The following MYBPC3 variants were observed in gnomAD, a reference collection of about 807,000 sequenced individuals.
The protein encoded by MYBPC3 is myosin binding protein C3, also known as myosin-binding protein C, cardiac-type.
MYBPC3 carries 108 observed loss-of-function variants against 159.3 expected under a neutral mutation model. That is an observed-to-expected ratio of 0.68 (90% CI 0.58 to 0.80). MYBPC3 has a LOEUF of 0.80. MYBPC3 is among the 30% of genes least tolerant of loss of function. The pLI is 0.00. For missense variants in MYBPC3, 1,631 were observed against 1,762.1 expected (o/e 0.93, Z 1.33); for synonymous variants, 730 against 702.0 (o/e 1.04, Z -0.63).
chr11:47,334,114 A>T (rs1477522299), intron 27 of MYBPC3, 104 bp from the exon 28 acceptor site: 2 of 1,152,434 alleles, frequency 1.7e-6, no homozygotes, highest in African/African-American at 1.5e-5. Context: ...TGCAGCTAAG[A>T]AAAAAGCTGC....
rs369614379 is a variant in MYBPC3, at chr11:47,347,793, G to A, written c.821+64C>T. 425 of 1,547,558 alleles carry A rather than the reference G, an allele frequency of 2.7e-4. 1 individual carries two copies. The highest frequency in any genetic ancestry group is 3.4e-4 in the Non-Finnish European group (391 of 1,144,158). ...TCATCCCCAGCCCTGACCCCCAGTC[G>A]AGACCCTGAAGGGCCTCAGACTCCA... On this transcript the variant is annotated intron_variant, in intron 7 of 34. Transcript: ENST00000545968.
chr11:47,333,703 G>T lies in MYBPC3; in HGVS notation c.3044C>A (p.Ala1015Glu). 1 of 1,609,772 alleles carries T rather than the reference G, an allele frequency of 6.2e-7. No individual in the cohort carries two copies. The stretch of plus-strand genomic sequence containing the variant: ...GTTGCGGATGCTCACCTCCTCGCCT[G>T]CCAGGGGCTGCCCCTCTTTGGTCCA... Reference protein sequence around the residue: ...VTWTKEGQPLAGEEVSIRNSP... With the variant: ...VTWTKEGQPLEGEEVSIRNSP... The change falls in exon 29 of 35, where the codon GCA (alanine) becomes GAA (glutamate). Residue 1015 changes from alanine to glutamate, a missense_variant. Ala to Glu is a moderately radical substitution (Grantham distance 107, BLOSUM62 -1). Coordinates refer to ENST00000545968, the MANE Select transcript of MYBPC3 (RefSeq NM_000256.3).
In MYBPC3 at chr11:47,342,060, C is replaced by G. The variant is rs397515922; in HGVS notation, c.1721G>C (p.Arg574Pro). 6.2e-7 allele frequency: 1 copy of G among 1,612,658 alleles called. No individual in the cohort carries two copies. Among genetic ancestry groups the G allele is most frequent in the Non-Finnish European group, 8.5e-7 (1 of 1,179,334 alleles). Reference sequence around the variant, plus strand: ...CTTCCCATTCTTCAGCCACACACCCCGAACATTCTCATCTGAGACCTCACA... The same window carrying G: ...CTTCCCATTCTTCAGCCACACACCCGGAACATTCTCATCTGAGACCTCACA... Reference protein sequence around the residue: ...FKCEVSDENVRGVWLKNGKEL... With the variant: ...FKCEVSDENVPGVWLKNGKEL... Residue 574 changes from arginine to proline, a missense_variant, in exon 18 of 35, where the codon CGG becomes CCG. Transcript: ENST00000545968.
intron 25 of MYBPC3, among the ~76,000 whole-genome samples, chr11:47,337,080 GCTCT>G (rs2095883004): frequency 6.6e-6 from 1 of 152,226 alleles, no homozygotes; most frequent in Admixed American, 6.5e-5. Flanking sequence ...CATCCTAACA[GCTCT>G]CTGAGATAGG....
rs368887584 is a variant in MYBPC3, at chr11:47,339,321, C to T, written c.2148+3G>A. 3.7e-6 allele frequency: 6 copies of T among 1,613,904 alleles called. No homozygotes were observed. The African/African-American group carries it at 5.3e-5, about 14-fold the overall frequency. On this transcript the variant is annotated splice_donor_region_variant and intron_variant, in intron 22 of 34. Transcript: ENST00000545968. ...GCCTCCTCCTGACCTCAGTCTCACT[C>T]ACCTTCTTGTCAAACACCCACTCAT...
intron 20 of MYBPC3, among the ~76,000 whole-genome samples, chr11:47,340,691 GGAA>G (rs1014387769): frequency 1.4e-4 from 22 of 151,916 alleles, no homozygotes; most frequent in African/African-American, 3.9e-4. Flanking sequence ...TAAAAAAAAA[GGAA>G]GAAGAAGAAA....
In MYBPC3 at chr11:47,346,361, C is replaced by T. The variant is rs1202597355; in HGVS notation, c.936G>A (p.Lys312=). 2 of 1,587,904 alleles carry T rather than the reference C, an allele frequency of 1.3e-6. No individual in the cohort carries two copies. Residue 312 remains lysine (K), a synonymous_variant, in exon 12 of 35, where the codon AAG becomes AAA. Coordinates refer to ENST00000545968, the MANE Select transcript of MYBPC3 (RefSeq NM_000256.3). This position sits in a 1 kb window ranked among gnomAD's most constrained non-coding sequence, Gnocchi z 5.3. ...RDSFRTPRDS[K]LEAPAEEDVW... ...CGTCCTCCTCTGCTGGTGCCTCCAG[C>T]TTCGAGTCCCTGTGTCCCGCAGTCT... is the stretch of plus-strand genomic sequence containing the variant.
chr11:47,337,490 G>T lies in MYBPC3; in HGVS notation c.2503C>A (p.Arg835Ser), dbSNP rs765356720. The change falls in exon 25 of 35, where the codon CGC (arginine) becomes AGC (serine). Residue 835 changes from arginine to serine, a missense_variant. Arg to Ser is a moderately radical substitution (Grantham distance 110). Transcript: ENST00000545968. Reference sequence around the variant, plus strand: ...TCGTACACCACGCCCTCGATCATGCGCCGCGCTTCATGACTCAGCTCCTGA... The same window carrying T: ...TCGTACACCACGCCCTCGATCATGCTCCGCGCTTCATGACTCAGCTCCTGA... The part of the protein sequence containing the change: ...LIQELSHEAR[R>S]MIEGVVYEMR... 2.5e-6 allele frequency: 4 copies of T among 1,613,970 alleles called. No individual in the cohort carries two copies. Among genetic ancestry groups the T allele is most frequent in the South Asian group, 2.2e-5 (2 of 91,086 alleles).
intron 6 of MYBPC3, 72 bp from the exon 7 acceptor site, chr11:47,347,977 G>A: frequency 7.0e-7 from 1 of 1,431,074 alleles, no homozygotes; most frequent in Non-Finnish European, 9.6e-7. Context: ...TGCCCTGGGG[G>A]CGGCCTCTGA....
chr11:47,332,815 TG>T lies in MYBPC3; in HGVS notation c.3488del (p.Pro1163GlnfsTer26). ...GTTGGAAGAATGAGGGTACAGCACC[TG>T]GTCTGGGGATAAAGACGGGCTCCTT... Reference protein sequence around the residue: ...TTKEPVFIPRPGITYEPPNYK... With the variant: ...TTKEPVFIPRXGITYEPPNYK... On this transcript the variant is annotated frameshift_variant and splice_region_variant, in exon 31 of 35. Transcript: ENST00000545968. LOFTEE classifies it high-confidence loss of function. The surrounding 1 kb of genome is among the most constrained non-coding windows in gnomAD (Gnocchi z 4.2). 1 of 1,605,076 alleles carries T rather than the reference TG, an allele frequency of 6.2e-7. No homozygotes were observed. Among genetic ancestry groups the T allele is most frequent in the Non-Finnish European group, 8.5e-7 (1 of 1,175,800 alleles).
chr11:47,334,007 C>T lies in MYBPC3; in HGVS notation c.2909G>A (p.Arg970Gln), dbSNP rs727504346. The change falls in exon 28 of 35, where the codon CGG becomes CAG. Residue 970 changes from arginine to glutamine, a missense_variant. Physicochemically the swap from Arg to Gln is conservative, Grantham distance 43. Coordinates refer to ENST00000545968, the MANE Select transcript of MYBPC3 (RefSeq NM_000256.3). Reference sequence around the variant, plus strand: ...GTGCCTGGGCAGCTGAAGCCGTGGCCGTTCTGTGGGTATAGAGTGGGTAGC... The same window carrying T: ...GTGCCTGGGCAGCTGAAGCCGTGGCTGTTCTGTGGGTATAGAGTGGGTAGC... ...EPVTVQEILQ[R>Q]PRLQLPRHLR... is the part of the protein sequence containing the mutation. The T allele has an allele frequency of 8.6e-5, 135 of 1,575,132 alleles. No individual in the cohort carries two copies. Among genetic ancestry groups the T allele is most frequent in the Middle Eastern group, 5.0e-4 (3 of 6,030 alleles).
chr11:47,332,417 C>T lies in MYBPC3; in HGVS notation c.3627+149G>A. On this transcript the variant is annotated intron_variant, in intron 32 of 34. Coordinates refer to ENST00000545968, the MANE Select transcript of MYBPC3 (RefSeq NM_000256.3). This position sits in a 1 kb window ranked among gnomAD's most constrained non-coding sequence, Gnocchi z 4.2. The stretch of plus-strand genomic sequence containing the variant: ...CAAACATGGAACCAAGAGTGAGTAC[C>T]ATGGCCCTGCCCAGGGGGAGGAACC... The T allele has an allele frequency of 2.1e-6, 3 of 1,409,556 alleles. No homozygotes were observed. The highest frequency in any genetic ancestry group is 2.9e-6 in the Non-Finnish European group (3 of 1,033,074). The allele number at this position is 1,409,556 out of a possible 1,614,324, so 87.3% of individuals were successfully genotyped here.
In MYBPC3 at chr11:47,347,962, A is replaced by C. The variant is rs1595848658; in HGVS notation, c.773-57T>G. On this transcript the variant is annotated intron_variant, in intron 6 of 34. Transcript: ENST00000545968. The stretch of plus-strand genomic sequence containing the variant: ...GGGCTTCAGAGGGGGCCGTTTGAGA[A>C]GCCCTGCCCTGGGGGCGGCCTCTGA... The C allele has an allele frequency of 8.6e-6, 13 of 1,504,830 alleles. No individual in the cohort carries two copies. The South Asian group carries it at 1.4e-4, about 17-fold the overall frequency. The allele number at this position is 1,504,830 out of a possible 1,614,324, so 93.2% of individuals were successfully genotyped here. A position where few individuals can be genotyped will look rare whatever the true frequency, so the allele number is the denominator to read the frequency against.
rs397515991 is a variant in MYBPC3, at chr11:47,335,041, C to T, written c.2905+1G>A. ...TTGTGACTGCACAAAGGGGCACTCA[C>T]GCAGGATCTCCTGCACTGTCACCGG... On this transcript the variant is annotated splice_donor_variant, in intron 27 of 34. Transcript: ENST00000545968. LOFTEE classifies it high-confidence loss of function. 7 of 1,532,586 alleles carry T rather than the reference C, an allele frequency of 4.6e-6. No homozygotes were observed. Among genetic ancestry groups the T allele is most frequent in the South Asian group, 1.3e-5 (1 of 78,350 alleles). The allele number at this position is 1,532,586 out of a possible 1,614,324, so 94.9% of individuals were successfully genotyped here.
Position 47,338,664 on chromosome 11 carries a change from C to T in MYBPC3, c.2164G>A (p.Glu722Lys), listed in dbSNP as rs730880696. 1.4e-5 allele frequency: 22 copies of T among 1,612,292 alleles called. No homozygotes were observed. The highest frequency in any genetic ancestry group is 8.8e-5 in the South Asian group (8 of 90,838). ...VFDKKLLCETEGRVRVETTKD... is the reference protein window; with the variant it reads ...VFDKKLLCETKGRVRVETTKD... ...GTGGTCTCCACGCGGACCCGGCCCTCGGTCTCACACAGCAGCTGGGGGGGT... is the reference window on the plus strand; with the variant it reads ...GTGGTCTCCACGCGGACCCGGCCCTTGGTCTCACACAGCAGCTGGGGGGGT... The change falls in exon 23 of 35, where the codon GAG becomes AAG. Residue 722 changes from glutamate (E) to lysine (K), a missense_variant. Coordinates refer to ENST00000545968, the MANE Select transcript of MYBPC3 (RefSeq NM_000256.3). The surrounding 1 kb of genome is among the most constrained non-coding windows in gnomAD (Gnocchi z 4.7).
chr11:47,351,622 C>T lies in MYBPC3; in HGVS notation c.26-117G>A. On this transcript the variant is annotated intron_variant, in intron 1 of 34. Transcript: ENST00000545968. The surrounding 1 kb of genome is among the most constrained non-coding windows in gnomAD (Gnocchi z 4.2). ...TCTATGCATCCCCTCACGTAATACTCTACCAGTTCTCTGAGGTAGTTGCAG... is the reference window on the plus strand; with the variant it reads ...TCTATGCATCCCCTCACGTAATACTTTACCAGTTCTCTGAGGTAGTTGCAG... 1 of 1,175,680 alleles carries T rather than the reference C, an allele frequency of 8.5e-7. No individual in the cohort carries two copies. Among genetic ancestry groups the T allele is most frequent in the South Asian group, 1.8e-5 (1 of 55,426 alleles). The allele number at this position is 1,175,680 out of a possible 1,614,324, so 72.8% of individuals were successfully genotyped here. A position where few individuals can be genotyped will look rare whatever the true frequency, so the allele number is the denominator to read the frequency against.
At chr11:47,340,959 C>T (rs761956248) in intron 20 of MYBPC3, 44 bp downstream of exon 20, 53 of 1,500,818 alleles carry the variant, frequency 3.5e-5, no homozygotes, top group African/African-American at 7.0e-5. Flanking sequence ...GGGTGGGTTG[C>T]GGGAAAGTGA....
At position 47,332,425 on chromosome 11, in the gene MYBPC3, T is replaced by C; in HGVS notation, c.3627+141A>G. ...GAACCAAGAGTGAGTACCATGGCCC[T>C]GCCCAGGGGGAGGAACCCGGTCCAT... On this transcript the variant is annotated intron_variant, in intron 32 of 34. Coordinates refer to ENST00000545968, the MANE Select transcript of MYBPC3 (RefSeq NM_000256.3). This position sits in a 1 kb window ranked among gnomAD's most constrained non-coding sequence, Gnocchi z 4.2. 7.0e-7 allele frequency: 1 copy of C among 1,433,408 alleles called. No individual in the cohort carries two copies. Among genetic ancestry groups the C allele is most frequent in the Non-Finnish European group, 9.5e-7 (1 of 1,055,882 alleles). The allele number at this position is 1,433,408 out of a possible 1,614,324, so 88.8% of individuals were successfully genotyped here.
chr11:47,349,697 G>C, intron 5 of MYBPC3, 77 bp downstream of exon 5: 1 of 1,517,676 alleles, frequency 6.6e-7, no homozygotes, highest in Non-Finnish European at 8.8e-7. Context: ...GTCTCATGGT[G>C]CCCTCTGTGT....
Sources: gnomAD v4.1 joint callset for allele counts (sites outside exome capture counted in the v4.1 genomes callset) on GRCh38, gnomAD v4.1.1 for gene constraint, Gnocchi (gnomAD v3.1) non-coding constraint, MANE v1.5 for transcripts, NCBI Gene and HGNC (gene_info 2026-07-23, HGNC 2026-07-21) for gene names.